The following GALNT13 variants were observed in gnomAD, a reference collection of about 807,000 sequenced individuals.
GALNT13 encodes the protein polypeptide N-acetylgalactosaminyltransferase 13, also known as UDP-GalNAc:polypeptide N-acetylgalactosaminyltransferase 13.
A neutral mutation model predicts 64.2 loss-of-function variants in GALNT13; 28 were observed. The ratio of observed to expected loss-of-function variants is 0.44; its 90% CI spans 0.32 to 0.60. The LOEUF is 0.60. Among genes scored for constraint, GALNT13 ranks in the 20% least tolerant of loss-of-function variants. The pLI is 0.05. For missense variants in GALNT13, 577 were observed against 669.8 expected (o/e 0.86, Z 1.53); for synonymous variants, 214 against 224.6 (o/e 0.95, Z 0.42).
intron 2 of GALNT13, among the ~76,000 whole-genome samples, chr2:153,902,827 A>G (rs530303399): frequency 6.6e-6 from 1 of 152,234 alleles, no homozygotes; most frequent in Non-Finnish European, 1.5e-5. Flanking sequence ...GGCATCATTT[A>G]AGCAAATTGT....
At chr2:153,443,030 T>G in the GALNT13 span, among the ~76,000 whole-genome samples, 2 of 152,250 alleles carry the variant, frequency 1.3e-5, no homozygotes, top group African/African-American at 4.8e-5. Context: ...GCTCCCTGGC[T>G]TCAGCCCCCT....
chr2:153,684,372 G>GA, the GALNT13 span, among the ~76,000 whole-genome samples: 2 of 151,440 alleles, frequency 1.3e-5, no homozygotes, highest in Admixed American at 6.6e-5. Context: ...TGCTTCATAA[G>GA]AAAAAACAGT....
At chr2:154,244,953 T>C (rs1689696128) in intron 6 of GALNT13, among the ~76,000 whole-genome samples, 1 of 151,872 alleles carries the variant, frequency 6.6e-6, no homozygotes, top group Non-Finnish European at 1.5e-5. Flanking sequence ...AAACTCTGTC[T>C]CTGCTAAAAA....
chr2:153,486,101 C>G, the GALNT13 span, among the ~76,000 whole-genome samples: 1 of 152,040 alleles, frequency 6.6e-6, no homozygotes, highest in African/African-American at 2.4e-5. Flanking sequence ...CCACACCTGG[C>G]TAATTTTTGT....
the GALNT13 span, among the ~76,000 whole-genome samples, chr2:153,573,055 A>G: frequency 6.6e-6 from 1 of 151,970 alleles, no homozygotes. Context: ...GACTCCAACT[A>G]TTATTGTATT....
chr2:153,217,769 A>G, the GALNT13 span, among the ~76,000 whole-genome samples: 2 of 152,198 alleles, frequency 1.3e-5, no homozygotes, highest in Non-Finnish European at 2.9e-5. Context: ...CTTTAAATTT[A>G]GCTAGATATA....
the GALNT13 span, among the ~76,000 whole-genome samples, chr2:153,721,336 A>T: frequency 7.6e-6 from 1 of 131,442 alleles, no homozygotes; most frequent in South Asian, 2.6e-4. Context: ...AGGAACAACC[A>T]GTACCAGCCG....
At chr2:154,043,642 A>G (rs999263859) in intron 3 of GALNT13, among the ~76,000 whole-genome samples, 1 of 152,004 alleles carries the variant, frequency 6.6e-6, no homozygotes, top group African/African-American at 2.4e-5. Context: ...CATTAAATAC[A>G]AAATGTATAA....
At chr2:154,375,215 A>C (rs6705536) in intron 9 of GALNT13, among the ~76,000 whole-genome samples, 91,059 of 151,362 alleles carry the variant, frequency 0.6, 28,006 homozygotes, top group Admixed American at 0.67. Flanking sequence ...ATCTCGATCT[A>C]CTGACCTTGT....
the GALNT13 span, among the ~76,000 whole-genome samples, chr2:153,657,075 G>A: frequency 8.0e-4 from 122 of 152,248 alleles, no homozygotes; most frequent in African/African-American, 2.5e-3. Context: ...GTTGGGCATA[G>A]CAGTGAGCAT....
intron 4 of GALNT13, among the ~76,000 whole-genome samples, chr2:154,150,301 T>C (rs1314529165): frequency 6.6e-6 from 1 of 152,144 alleles, no homozygotes; most frequent in Non-Finnish European, 1.5e-5. Flanking sequence ...GTGGATAAGC[T>C]TTTTGATGTG....
At chr2:153,359,956 G>A in the GALNT13 span, among the ~76,000 whole-genome samples, 2 of 152,314 alleles carry the variant, frequency 1.3e-5, no homozygotes, top group East Asian at 1.9e-4. Context: ...CACCCTGGAG[G>A]AAAGAAGCAT....
chr2:154,008,013 A>AT (rs1036518458), intron 3 of GALNT13, among the ~76,000 whole-genome samples: 1 of 151,994 alleles, frequency 6.6e-6, no homozygotes, highest in African/African-American at 2.4e-5. Context: ...TGGTTATCAA[A>AT]TTTTAGTATC....
the GALNT13 span, among the ~76,000 whole-genome samples, chr2:153,654,878 G>T: frequency 6.6e-6 from 1 of 152,042 alleles, no homozygotes; most frequent in South Asian, 2.1e-4. Flanking sequence ...GAATAACTCT[G>T]TATCTATGTG....
At chr2:153,672,751 A>C in the GALNT13 span, among the ~76,000 whole-genome samples, 1 of 150,532 alleles carries the variant, frequency 6.6e-6, no homozygotes. Flanking sequence ...CCTTCAAAAA[A>C]TTAATGAATC....
At chr2:154,236,738 T>C (rs2105858618) in intron 4 of GALNT13, among the ~76,000 whole-genome samples, 1 of 152,200 alleles carries the variant, frequency 6.6e-6, no homozygotes, top group East Asian at 1.9e-4. Flanking sequence ...ATGTCAATTT[T>C]GCTAATCCCA....
At chr2:153,870,329 T>A (rs191931395), upstream of GALNT13, among the ~76,000 whole-genome samples, 19 of 152,294 alleles carry the variant, frequency 1.2e-4, no homozygotes, top group African/African-American at 3.4e-4. Context: ...CGCCTTTTTT[T>A]AAGAGATGAA....
the GALNT13 span, among the ~76,000 whole-genome samples, chr2:153,283,445 G>A: frequency 6.6e-6 from 1 of 152,160 alleles, no homozygotes; most frequent in Non-Finnish European, 1.5e-5. Flanking sequence ...GCTAATCTAG[G>A]TGAATGGGAT....
At chr2:153,744,143 T>C in the GALNT13 span, among the ~76,000 whole-genome samples, 3 of 152,124 alleles carry the variant, frequency 2.0e-5, no homozygotes, top group Admixed American at 6.6e-5. Flanking sequence ...AACATGGGAG[T>C]ATAGCCATCT....
Sources: gnomAD v4.1 joint callset for allele counts (sites outside exome capture counted in the v4.1 genomes callset) on GRCh38, gnomAD v4.1.1 for gene constraint, MANE v1.5 for transcripts, NCBI Gene and HGNC (gene_info 2026-07-23, HGNC 2026-07-21) for gene names.